Variants in PCDH15 observed in about 807,000 individuals in gnomAD.
PCDH15 encodes protocadherin-15.
PCDH15 carries 129 observed loss-of-function variants against 178.5 expected under a neutral mutation model. The observed-to-expected ratio is 0.72, with a 90% CI of 0.63 to 0.84. The LOEUF is 0.84. Ranked by LOEUF, PCDH15 falls within the 40% of genes least tolerant of loss-of-function variation. The probability of loss-of-function intolerance (pLI) is 0.00; values close to 1 mark genes in which losing one functional copy is unlikely to be tolerated. For synonymous variants in PCDH15, 800 were observed against 732.0 expected (o/e 1.09, Z -1.50); for missense variants, 2,230 against 2,099.9 (o/e 1.06, Z -1.21).
chr10:53,965,399 G>A (rs1311132288), intron 21 of PCDH15, among the ~76,000 whole-genome samples: 3 of 152,102 alleles, frequency 2.0e-5, no homozygotes, highest in Non-Finnish European at 4.4e-5. Context: ...TAGGCTTTAA[G>A]AATTATCTTC....
intron 2 of PCDH15, among the ~76,000 whole-genome samples, chr10:55,013,793 G>A (rs2131946032): frequency 6.6e-6 from 1 of 152,056 alleles, no homozygotes; most frequent in East Asian, 1.9e-4. Flanking sequence ...ATAGCACTTG[G>A]CCCCAAATAG....
chr10:54,373,641 G>A (rs1038553356), intron 4 of PCDH15, among the ~76,000 whole-genome samples: 1 of 151,984 alleles, frequency 6.6e-6, no homozygotes, highest in Admixed American at 6.6e-5. Context: ...TATATGAAAA[G>A]TTTAATGTGG....
intron 3 of PCDH15, among the ~76,000 whole-genome samples, chr10:54,527,553 G>C (rs2083472460): frequency 6.6e-6 from 1 of 152,092 alleles, no homozygotes; most frequent in Non-Finnish European, 1.5e-5. Context: ...ATGCATTCTT[G>C]AGATGACTCT....
chr10:55,138,353 T>C (rs1051831717), intron 2 of PCDH15, among the ~76,000 whole-genome samples: 6 of 152,160 alleles, frequency 3.9e-5, no homozygotes, highest in African/African-American at 1.4e-4. Flanking sequence ...ATAAGCTATA[T>C]GTGTGATGAG....
chr10:54,164,948 A>G (rs1178133601), intron 13 of PCDH15, among the ~76,000 whole-genome samples: 2 of 152,168 alleles, frequency 1.3e-5, no homozygotes, highest in Non-Finnish European at 2.9e-5. Context: ...GTTGGCATTC[A>G]GTCTGAACCT....
At chr10:55,540,822 G>T (rs1475680275) in intron 2 of PCDH15, among the ~76,000 whole-genome samples, 2 of 151,986 alleles carry the variant, frequency 1.3e-5, no homozygotes, top group African/African-American at 4.8e-5. Context: ...AAGTAATGGA[G>T]AAGTCAAAGA....
At chr10:55,574,328 C>T (rs946053766) in intron 2 of PCDH15, among the ~76,000 whole-genome samples, 5 of 151,940 alleles carry the variant, frequency 3.3e-5, no homozygotes, top group African/African-American at 9.7e-5. Flanking sequence ...TTCCATGGAG[C>T]AGAGCATGGG....
intron 2 of PCDH15, among the ~76,000 whole-genome samples, chr10:55,023,454 A>G (rs1591841385): frequency 6.6e-6 from 1 of 152,154 alleles, no homozygotes; most frequent in African/African-American, 2.4e-5. Context: ...TTTTACATGT[A>G]AAGTCTAGAT....
intron 2 of PCDH15, among the ~76,000 whole-genome samples, chr10:55,008,781 A>G (rs1311567594): frequency 6.6e-6 from 1 of 152,164 alleles, no homozygotes; most frequent in Non-Finnish European, 1.5e-5. Context: ...TTAGTCAAAT[A>G]ATTTATGAAA....
chr10:55,445,355 T>C (rs932141162), intron 2 of PCDH15, among the ~76,000 whole-genome samples: 2 of 152,094 alleles, frequency 1.3e-5, no homozygotes, highest in Non-Finnish European at 2.9e-5. Context: ...AAAAATACCA[T>C]TCAACTCCTC....
chr10:54,344,089 G>A (rs1210041639), intron 6 of PCDH15, among the ~76,000 whole-genome samples: 1 of 152,092 alleles, frequency 6.6e-6, no homozygotes, highest in Non-Finnish European at 1.5e-5. Context: ...AACTGGTACT[G>A]AGGTTTACAC....
At chr10:54,312,919 T>C (rs1175653204) in intron 8 of PCDH15, among the ~76,000 whole-genome samples, 1 of 152,060 alleles carries the variant, frequency 6.6e-6, no homozygotes. Flanking sequence ...ATATCTATAT[T>C]TTTGTACATG....
intron 2 of PCDH15, among the ~76,000 whole-genome samples, chr10:55,427,560 T>G (rs1356458382): frequency 1.3e-5 from 2 of 152,144 alleles, no homozygotes; most frequent in Admixed American, 1.3e-4. Context: ...CCTACAAAGT[T>G]CAACTCAGGT....
At chr10:55,201,790 T>C (rs1050151673) in intron 1 of PCDH15, among the ~76,000 whole-genome samples, 3 of 152,200 alleles carry the variant, frequency 2.0e-5, no homozygotes, top group Non-Finnish European at 4.4e-5. Flanking sequence ...TCTAAGCTTT[T>C]TTGGTGGAAT....
intron 2 of PCDH15, among the ~76,000 whole-genome samples, chr10:54,965,114 C>A (rs1838749692): frequency 1.3e-5 from 2 of 152,128 alleles, no homozygotes; most frequent in African/African-American, 4.8e-5. Context: ...TAAGTTCTGA[C>A]CCATTCATGG....
intron 2 of PCDH15, among the ~76,000 whole-genome samples, chr10:54,589,028 C>T (rs1274692382): frequency 6.6e-6 from 1 of 151,958 alleles, no homozygotes; most frequent in Non-Finnish European, 1.5e-5. Flanking sequence ...ATTTCCCAAA[C>T]ACAGATACTC....
intron 3 of PCDH15, among the ~76,000 whole-genome samples, chr10:54,404,372 C>T (rs1952343516): frequency 6.6e-6 from 1 of 151,938 alleles, no homozygotes; most frequent in Admixed American, 6.6e-5. Flanking sequence ...GGTCACATGC[C>T]TCCAACTATC....
At chr10:53,989,830 G>T (rs535635232) in intron 21 of PCDH15, among the ~76,000 whole-genome samples, 2 of 152,258 alleles carry the variant, frequency 1.3e-5, no homozygotes, top group East Asian at 3.9e-4. Flanking sequence ...AAGCCAGTAT[G>T]TGGTGAGTCA....
chr10:54,691,475 T>A (rs1336486624), intron 1 of PCDH15, among the ~76,000 whole-genome samples: 1 of 151,880 alleles, frequency 6.6e-6, no homozygotes, highest in Admixed American at 6.6e-5. Context: ...TGACTGACAA[T>A]GAGTTGAGAA....
Sources: gnomAD v4.1 joint callset for allele counts (sites outside exome capture counted in the v4.1 genomes callset) on GRCh38, gnomAD v4.1.1 for gene constraint, MANE v1.5 for transcripts, NCBI Gene and HGNC (gene_info 2026-07-23, HGNC 2026-07-21) for gene names.